The following LRRC7 variants were observed in gnomAD, a reference collection of about 807,000 sequenced individuals.
The protein encoded by LRRC7 is leucine rich repeat containing 7.
LRRC7 carries 23 observed loss-of-function variants against 175.7 expected under a neutral mutation model. The ratio of observed to expected loss-of-function variants is 0.13; its 90% CI spans 0.09 to 0.19. LRRC7 has a LOEUF of 0.19. LRRC7 is among the 10% of genes least tolerant of loss of function. The pLI is 1.00. For missense variants in LRRC7, 1,354 were observed against 1,904.7 expected (o/e 0.71, Z 5.38); for synonymous variants, 685 against 680.9 (o/e 1.01, Z -0.09).
At chr1:70,039,852 C>T in intron 21 of LRRC7, 59 bp downstream of exon 21, 14 of 1,514,890 alleles carry the variant, frequency 9.2e-6, no homozygotes, top group Non-Finnish European at 1.1e-5. Context: ...ACTTTATTGG[C>T]ATTTCTAAGC....
chr1:69,709,508 G>T lies in LRRC7; in HGVS notation c.100+31030G>T, dbSNP rs537396473. 7.9e-5 allele frequency among the ~76,000 whole-genome samples: 12 copies of T among 152,274 alleles called. No individual in the cohort carries two copies. The South Asian group carries it at 2.5e-3, about 32-fold the overall frequency. ...GCTTTGTTTTTGTCAGGACTATGGG[G>T]TCTTTGATGACAAGAGTCTTCTCTA... On this transcript the variant is annotated intron_variant, in intron 2 of 26. Coordinates refer to ENST00000651989, the MANE Select transcript of LRRC7 (RefSeq NM_001370785.2).
chr1:69,775,079 T>C (rs1672666282), intron 3 of LRRC7, among the ~76,000 whole-genome samples: 2 of 152,138 alleles, frequency 1.3e-5, no homozygotes, highest in South Asian at 4.1e-4. Flanking sequence ...GGATTAGTTC[T>C]TTGGTAGAGC....
intron 24 of LRRC7, among the ~76,000 whole-genome samples, chr1:70,080,581 T>G (rs1663131608): frequency 6.6e-6 from 1 of 152,238 alleles, no homozygotes; most frequent in South Asian, 2.1e-4. Context: ...CAAGTCTGTT[T>G]TCAACTCTAG....
intron 7 of LRRC7, among the ~76,000 whole-genome samples, chr1:69,878,266 C>T (rs1686222335): frequency 7.4e-6 from 1 of 135,172 alleles, no homozygotes; most frequent in African/African-American, 2.6e-5. Flanking sequence ...TCCAAAGAAT[C>T]CTTATCTTAG....
intron 2 of LRRC7, among the ~76,000 whole-genome samples, chr1:69,680,949 T>C (rs1308011330): frequency 6.6e-6 from 1 of 152,036 alleles, no homozygotes; most frequent in Non-Finnish European, 1.5e-5. Context: ...TCTCTTCTCT[T>C]TTTCTGTCTC....
intron 2 of LRRC7, among the ~76,000 whole-genome samples, chr1:69,679,990 T>C (rs1660269973): frequency 6.6e-6 from 1 of 152,104 alleles, no homozygotes; most frequent in African/African-American, 2.4e-5. Flanking sequence ...AAAGGAAGAA[T>C]TGAGTAGTTG....
In LRRC7 at chr1:69,803,968, G is replaced by T. The variant is rs1417447; in HGVS notation, c.421+11808G>T. Among the ~76,000 whole-genome samples the T allele has an allele frequency of 1.4e-3, 213 of 150,974 alleles. 3 individuals carry two copies. Among genetic ancestry groups the T allele is most frequent in the African/African-American group, 4.8e-3 (198 of 41,364 alleles). ...TCAAATAGTACTATTTTTGCTTGTT[G>T]GTCTTTTCTATTATTTGGTTTGTTT... On this transcript the variant is annotated intron_variant, in intron 4 of 26. Transcript: ENST00000651989.
chr1:69,775,647 A>G (rs1490232911), intron 3 of LRRC7, among the ~76,000 whole-genome samples: 1 of 152,234 alleles, frequency 6.6e-6, no homozygotes, highest in Non-Finnish European at 1.5e-5. Flanking sequence ...TAGGAGAGCT[A>G]TATAAGGCCA....
chr1:70,004,930 T>C (rs2101936780), intron 11 of LRRC7, among the ~76,000 whole-genome samples: 1 of 152,296 alleles, frequency 6.6e-6, no homozygotes, highest in South Asian at 2.1e-4. Flanking sequence ...TTTTGTGGAA[T>C]AGAAGTCAGT....
chr1:69,859,302 A>C (rs1684104490), intron 7 of LRRC7, among the ~76,000 whole-genome samples: 1 of 152,146 alleles, frequency 6.6e-6, no homozygotes, highest in Admixed American at 6.6e-5. Context: ...ACTAATTTTA[A>C]TACGTCTCAT....
chr1:70,097,811 A>G (rs1571318008), intron 25 of LRRC7, among the ~76,000 whole-genome samples: 1 of 150,832 alleles, frequency 6.6e-6, no homozygotes, highest in Non-Finnish European at 1.5e-5. Flanking sequence ...TTATGGCTGC[A>G]TAGTATTCCA....
rs1666464477 is a variant in LRRC7 at position 70,126,589 on chromosome 1, G to A, written c.*4702G>A. Among the ~76,000 whole-genome samples, 1 of 152,026 alleles carries A rather than the reference G, an allele frequency of 6.6e-6. No homozygotes were observed. The highest frequency in any genetic ancestry group is 2.1e-4 in the South Asian group (1 of 4,820). ...AAGAAAAGCATCTTGCCTTGGCTCA[G>A]AATATTTCCCATCACCCACCAACAC... On this transcript the variant is annotated 3_prime_UTR_variant, in exon 27 of 27. Transcript: ENST00000651989.
At chr1:69,818,038 T>C (rs1353967894) in intron 4 of LRRC7, among the ~76,000 whole-genome samples, 1 of 152,130 alleles carries the variant, frequency 6.6e-6, no homozygotes, top group African/African-American at 2.4e-5. Flanking sequence ...GTTTTCTATA[T>C]ATAAGATGCT....
intron 1 of LRRC7, among the ~76,000 whole-genome samples, chr1:69,623,832 G>C (rs1362501606): frequency 6.6e-6 from 1 of 152,038 alleles, no homozygotes; most frequent in Non-Finnish European, 1.5e-5. Flanking sequence ...TTACAGGCGA[G>C]GCATGATATT....
chr1:69,918,264 G>C (rs1297716345), intron 7 of LRRC7, among the ~76,000 whole-genome samples: 1 of 152,206 alleles, frequency 6.6e-6, no homozygotes, highest in East Asian at 1.9e-4. Flanking sequence ...CTGAGGTGGA[G>C]AAACCCTGCG....
intron 11 of LRRC7, among the ~76,000 whole-genome samples, chr1:70,006,572 G>A (rs1273186571): frequency 6.6e-6 from 1 of 152,036 alleles, no homozygotes; most frequent in Admixed American, 6.6e-5. Context: ...ATGTGTATGG[G>A]ATTTCCCACA....
At chr1:69,611,024 A>C (rs1648635336) in intron 1 of LRRC7, among the ~76,000 whole-genome samples, 1 of 151,944 alleles carries the variant, frequency 6.6e-6, no homozygotes. Flanking sequence ...GTATTTGCTA[A>C]ATTGAATTCA....
intron 23 of LRRC7, among the ~76,000 whole-genome samples, chr1:70,072,434 CTTCTGAACCATTATTGTCCCTCT>C (rs1662456989): frequency 6.6e-6 from 1 of 152,138 alleles, no homozygotes; most frequent in Non-Finnish European, 1.5e-5. Flanking sequence ...CTTTACAGTC[CTTCTGAACCATTATTGTCCCTCT>C]AGATGTCTTG....
intron 2 of LRRC7, among the ~76,000 whole-genome samples, chr1:69,717,528 A>G (rs764413452): frequency 5.3e-5 from 8 of 151,824 alleles, no homozygotes; most frequent in Middle Eastern, 6.8e-3. Context: ...AGTGTATTTG[A>G]TTTATAAAAT....
Sources: gnomAD v4.1 joint callset for allele counts (sites outside exome capture counted in the v4.1 genomes callset) on GRCh38, gnomAD v4.1.1 for gene constraint, MANE v1.5 for transcripts, NCBI Gene and HGNC (gene_info 2026-07-23, HGNC 2026-07-21) for gene names.